Variants in MAN2A1 observed in about 807,000 individuals in gnomAD.
MAN2A1 encodes alpha-mannosidase 2.
In MAN2A1, 76 loss-of-function variants were observed where a neutral mutation model predicts 142.6. That is an observed-to-expected ratio of 0.53 (90% CI 0.44 to 0.65). The LOEUF (loss-of-function observed/expected upper bound fraction) is 0.65, where lower values mean the gene tolerates loss of function less well. MAN2A1 is among the 30% of genes least tolerant of loss of function. The pLI is 0.00. For synonymous variants in MAN2A1, 559 were observed against 473.2 expected (o/e 1.18, Z -2.35); for missense variants, 1,311 against 1,365.1 (o/e 0.96, Z 0.62).
intron 5 of MAN2A1, among the ~76,000 whole-genome samples, chr5:109,764,315 T>C (rs1336945713): frequency 1.3e-5 from 2 of 152,216 alleles, no homozygotes; most frequent in East Asian, 3.8e-4. Flanking sequence ...TTTTCCATAC[T>C]TTGTTCTTGT....
intron 7 of MAN2A1, 129 bp downstream of exon 7, chr5:109,770,670 C>A: frequency 3.6e-6 from 3 of 830,414 alleles, no homozygotes; most frequent in Non-Finnish European, 3.7e-6. Context: ...TCATTCAAAC[C>A]AGATCTAAAG....
intron 4 of MAN2A1, among the ~76,000 whole-genome samples, chr5:109,731,483 G>T (rs559554991): frequency 2.7e-5 from 4 of 148,340 alleles, no homozygotes; most frequent in African/African-American, 9.9e-5. Flanking sequence ...TTAGCATTAG[G>T]TATATCACCT....
chr5:109,752,352 A>G (rs1008825885), intron 4 of MAN2A1, among the ~76,000 whole-genome samples: 2 of 152,172 alleles, frequency 1.3e-5, no homozygotes, highest in Non-Finnish European at 2.9e-5. Flanking sequence ...GGTAAATACT[A>G]ATATTAAACT....
intron 4 of MAN2A1, among the ~76,000 whole-genome samples, chr5:109,736,351 G>T (rs1479374610): frequency 3.3e-5 from 5 of 151,956 alleles, no homozygotes; most frequent in South Asian, 2.1e-4. Context: ...GCAATTTTTT[G>T]ATTAAGTTTT....
chr5:109,820,135 TA>T (rs1429409422), intron 14 of MAN2A1, 84 bp from the exon 15 acceptor site: 5 of 1,213,492 alleles, frequency 4.1e-6, no homozygotes, highest in Non-Finnish European at 4.6e-6. Flanking sequence ...ATTATTTTTT[TA>T]AATTGTCATA....
chr5:109,795,900 C>T (rs550801969), intron 12 of MAN2A1, among the ~76,000 whole-genome samples: 2 of 152,242 alleles, frequency 1.3e-5, no homozygotes, highest in Admixed American at 6.5e-5. Flanking sequence ...ACTCTTCATT[C>T]CTTTTCAGTG....
At chr5:109,860,173 G>A (rs1239952517) in intron 20 of MAN2A1, among the ~76,000 whole-genome samples, 1 of 151,768 alleles carries the variant, frequency 6.6e-6, no homozygotes. Flanking sequence ...GATCTCCCTA[G>A]CTTCTGGAAA....
intron 5 of MAN2A1, among the ~76,000 whole-genome samples, chr5:109,757,572 C>A (rs1323703300): frequency 2.6e-5 from 4 of 152,136 alleles, no homozygotes; most frequent in African/African-American, 7.2e-5. Flanking sequence ...TTTTTTCTTA[C>A]AACTTTATTG....
rs748431015 is a variant in MAN2A1, at chr5:109,845,992, C to T, written c.2828C>T (p.Ser943Leu). ...TLLSAQSLGV[S>L]SLNSGQIEVI... ...CTCTCTGCTCAGTCATTAGGGGTTTCGAGTTTGAATAGTGGTATGTATTGC... is the reference window on the plus strand; with the variant it reads ...CTCTCTGCTCAGTCATTAGGGGTTTTGAGTTTGAATAGTGGTATGTATTGC... The change falls in exon 18 of 22, where the codon TCG becomes TTG. Residue 943 changes from serine (S) to leucine (L), a missense_variant. Ser to Leu is a moderately radical substitution (Grantham distance 145, BLOSUM62 -2). Around this residue, in one of 3 missense-constraint regions of MAN2A1, gnomAD observed 890 missense variants for 920.5 expected, o/e 0.97. Coordinates refer to ENST00000261483, the MANE Select transcript of MAN2A1 (RefSeq NM_002372.4). 1.7e-5 allele frequency: 27 copies of T among 1,612,086 alleles called. 1 individual carries two copies. Among genetic ancestry groups the T allele is most frequent in the Admixed American group, 6.7e-5 (4 of 59,738 alleles).
chr5:109,866,705 T>C (rs1484754650), intron 21 of MAN2A1, 141 bp from the exon 22 acceptor site: 5 of 553,470 alleles, frequency 9.0e-6, no homozygotes. Context: ...ATATGTATAT[T>C]TAATCCACCC....
At chr5:109,750,489 C>T in intron 4 of MAN2A1, among the ~76,000 whole-genome samples, 1 of 152,166 alleles carries the variant, frequency 6.6e-6, no homozygotes, top group African/African-American at 2.4e-5. Context: ...CATACTATTA[C>T]AATATGGTCC....
chr5:109,781,428 T>C lies in MAN2A1; in HGVS notation c.1407T>C (p.Asp469=). Residue 469 remains aspartate, a synonymous_variant, in exon 9 of 22, where the codon GAT becomes GAC. Transcript: ENST00000261483. ...IQFGTLSDFF[D]ALDKADETQR... is the part of the protein sequence containing the mutation. ...TTGGAACTTTATCAGATTTTTTTGATGCGCTGGATAAAGCAGATGAAACTC... is the reference window on the plus strand; with the variant it reads ...TTGGAACTTTATCAGATTTTTTTGACGCGCTGGATAAAGCAGATGAAACTC... 6.2e-7 allele frequency: 1 copy of C among 1,604,946 alleles called. No individual in the cohort carries two copies. Among genetic ancestry groups the C allele is most frequent in the South Asian group, 1.1e-5 (1 of 88,310 alleles).
chr5:109,699,032 C>A (rs558595108), intron 1 of MAN2A1, among the ~76,000 whole-genome samples: 11 of 152,086 alleles, frequency 7.2e-5, no homozygotes, highest in African/African-American at 2.7e-4. Context: ...AACTCAATAC[C>A]CCCTACTCTT....
chr5:109,757,233 C>G (rs531844861), intron 5 of MAN2A1, among the ~76,000 whole-genome samples: 7 of 152,226 alleles, frequency 4.6e-5, no homozygotes, highest in African/African-American at 1.2e-4. Context: ...ACACAATGCC[C>G]TTTTTCTTAA....
At chr5:109,800,790 T>C (rs969889481) in intron 12 of MAN2A1, among the ~76,000 whole-genome samples, 2 of 151,780 alleles carry the variant, frequency 1.3e-5, no homozygotes, top group Non-Finnish European at 2.9e-5. Context: ...AATGGTTGAG[T>C]GAAATATGGA....
At chr5:109,803,206 T>C (rs1348355833) in intron 12 of MAN2A1, among the ~76,000 whole-genome samples, 1 of 152,120 alleles carries the variant, frequency 6.6e-6, no homozygotes, top group Non-Finnish European at 1.5e-5. Context: ...ATTTTATTTG[T>C]GAAAGTAATT....
intron 1 of MAN2A1, among the ~76,000 whole-genome samples, chr5:109,710,696 A>G (rs779129789): frequency 4.8e-5 from 7 of 144,886 alleles, no homozygotes; most frequent in Non-Finnish European, 1.1e-4. Context: ...TTATTTACCT[A>G]TTTTTTTTTT....
rs148373650 is a variant in MAN2A1, at chr5:109,861,313, A to G, written c.3172-3723A>G. Among the ~76,000 whole-genome samples the G allele has an allele frequency of 2.3e-3, 351 of 152,354 alleles. 1 individual carries two copies. The highest frequency in any genetic ancestry group is 0.012 in the Admixed American group (178 of 15,306). Reference sequence around the variant, plus strand: ...GGTTCTCACCTGTGATAGTTCAGTCATGAACAACGGCAGTTGTCACTAATA... The same window carrying G: ...GGTTCTCACCTGTGATAGTTCAGTCGTGAACAACGGCAGTTGTCACTAATA... On this transcript the variant is annotated intron_variant, in intron 20 of 21. Transcript: ENST00000261483.
intron 6 of MAN2A1, 51 bp from the exon 7 acceptor site, chr5:109,770,304 G>C (rs780751107): frequency 3.5e-5 from 53 of 1,515,826 alleles, no homozygotes; most frequent in Non-Finnish European, 4.7e-5. Flanking sequence ...AATATTTTTT[G>C]GGAAAACAGA....
Sources: allele counts gnomAD v4.1 joint callset (sites outside exome capture counted in the v4.1 genomes callset), GRCh38; gene constraint gnomAD v4.1.1; regional missense constraint gnomAD v4.1.1; transcripts MANE v1.5; gene names NCBI Gene and HGNC (gene_info 2026-07-23, HGNC 2026-07-21).